The following CSNK1G3 variants were observed in gnomAD, a reference collection of about 807,000 sequenced individuals.
CSNK1G3 encodes casein kinase 1 gamma 3.
A neutral mutation model predicts 64.3 loss-of-function variants in CSNK1G3; 23 were observed. That is an observed-to-expected ratio of 0.36 (90% CI 0.26 to 0.51). The LOEUF is 0.51. CSNK1G3 is among the 20% of genes least tolerant of loss of function. The probability of loss-of-function intolerance (pLI) is 0.96; values close to 1 mark genes in which losing one functional copy is unlikely to be tolerated. For synonymous variants in CSNK1G3, 158 were observed against 162.2 expected (o/e 0.97, Z 0.20); for missense variants, 357 against 510.5 (o/e 0.70, Z 2.90).
exon 1 of CSNK1G3, chr5:123,512,468 G>C (rs952083443): frequency 4.6e-5 from 7 of 152,024 alleles, no homozygotes; most frequent in Non-Finnish European, 7.3e-5. Flanking sequence ...CCGGCCGCCG[G>C]CGGGTGTGAT....
chr5:123,553,129 A>G (rs750649198), exon 3 of CSNK1G3: 20 of 1,413,536 alleles, frequency 1.4e-5, no homozygotes, highest in Non-Finnish European at 1.9e-5. Context: ...ACACAAATGA[A>G]TATGTGGCAA....
At chr5:123,516,872 A>G (rs1777258712) in intron 1 of CSNK1G3, among the ~76,000 whole-genome samples, 1 of 152,098 alleles carries the variant, frequency 6.6e-6, no homozygotes, top group East Asian at 1.9e-4. Flanking sequence ...ATTCAAATTT[A>G]TTACATTTAT....
intron 1 of CSNK1G3, among the ~76,000 whole-genome samples, chr5:123,538,876 T>G (rs1000080910): frequency 2.0e-5 from 3 of 152,192 alleles, no homozygotes; most frequent in South Asian, 4.1e-4. Flanking sequence ...TGATGACTAT[T>G]AAGATTTTTA....
intron 10 of CSNK1G3, among the ~76,000 whole-genome samples, chr5:123,604,354 A>G (rs1794985305): frequency 1.3e-5 from 2 of 152,096 alleles, no homozygotes; most frequent in African/African-American, 2.4e-5. Context: ...TCAATATTCA[A>G]GGAAAGTAAT....
intron 2 of CSNK1G3, among the ~76,000 whole-genome samples, chr5:123,549,422 A>G (rs1783213124): frequency 2.6e-5 from 4 of 152,128 alleles, no homozygotes; most frequent in Non-Finnish European, 4.4e-5. Context: ...GAGCATGCCT[A>G]TGATATGTGC....
intron 1 of CSNK1G3, among the ~76,000 whole-genome samples, chr5:123,544,062 G>C (rs1581026452): frequency 6.6e-6 from 1 of 152,028 alleles, no homozygotes; most frequent in Non-Finnish European, 1.5e-5. Flanking sequence ...CAGTCCTCCT[G>C]TGCAAAAAAC....
chr5:123,555,804 GA>G (rs1344659251), intron 3 of CSNK1G3, among the ~76,000 whole-genome samples: 1 of 152,010 alleles, frequency 6.6e-6, no homozygotes, highest in Non-Finnish European at 1.5e-5. Context: ...TCCTAAGGGG[GA>G]GTAGTGATTG....
At chr5:123,571,434 A>C (rs1018634737) in intron 4 of CSNK1G3, among the ~76,000 whole-genome samples, 1 of 151,910 alleles carries the variant, frequency 6.6e-6, no homozygotes, top group African/African-American at 2.4e-5. Context: ...CAGTGATTAC[A>C]CTAGCTTACA....
intron 4 of CSNK1G3, among the ~76,000 whole-genome samples, chr5:123,558,819 G>A (rs563582301): frequency 2.2e-4 from 34 of 152,240 alleles, no homozygotes; most frequent in African/African-American, 7.9e-4. Flanking sequence ...TAGCAAATAA[G>A]AAGTTAAGTG....
At chr5:123,513,326 CT>C (rs1381141076) in intron 1 of CSNK1G3, among the ~76,000 whole-genome samples, 1 of 152,020 alleles carries the variant, frequency 6.6e-6, no homozygotes, top group Non-Finnish European at 1.5e-5. Context: ...AGATGTGTGT[CT>C]ACTCGTGGGG....
chr5:123,580,882 G>C (rs536106205), intron 6 of CSNK1G3, among the ~76,000 whole-genome samples: 2 of 151,926 alleles, frequency 1.3e-5, no homozygotes, highest in East Asian at 1.9e-4. Flanking sequence ...GGATAAGTTG[G>C]GAGTTGCTTT....
At chr5:123,586,119 G>A (rs185263550) in intron 6 of CSNK1G3, among the ~76,000 whole-genome samples, 5 of 152,192 alleles carry the variant, frequency 3.3e-5, no homozygotes, top group African/African-American at 1.2e-4. Context: ...ATGGTTGCAC[G>A]TAACAACATG....
In CSNK1G3 at chr5:123,590,392, T is replaced by C; in HGVS notation, c.845-21T>C. 1 of 1,297,730 alleles carries C rather than the reference T, an allele frequency of 7.7e-7. No homozygotes were observed. The highest frequency in any genetic ancestry group is 1.0e-6 in the Non-Finnish European group (1 of 970,130). 80.4% of individuals were successfully genotyped at this position (1,297,730 alleles called of 1,614,324 possible). A position where few individuals can be genotyped will look rare whatever the true frequency, so the allele number is the denominator to read the frequency against. The stretch of plus-strand genomic sequence containing the variant: ...TTAAAGAAAAGTATAGTCCAAATAA[T>C]TTTTATATTATTTCTAGAAGAAATG... On this transcript the variant is annotated intron_variant, in intron 8 of 12. Transcript: ENST00000345990.
At chr5:123,599,298 T>A (rs1023654626) in intron 10 of CSNK1G3, among the ~76,000 whole-genome samples, 6 of 152,186 alleles carry the variant, frequency 3.9e-5, no homozygotes, top group African/African-American at 1.4e-4. Context: ...GTCTTTGGTT[T>A]GAATCTAATG....
At chr5:123,530,101 T>C (rs1346525422) in intron 1 of CSNK1G3, among the ~76,000 whole-genome samples, 1 of 150,756 alleles carries the variant, frequency 6.6e-6, no homozygotes, top group Non-Finnish European at 1.5e-5. Flanking sequence ...AAAAAAAAAA[T>C]CATAAATTAA....
At chr5:123,537,761 A>G (rs377235381) in intron 1 of CSNK1G3, among the ~76,000 whole-genome samples, 11 of 152,144 alleles carry the variant, frequency 7.2e-5, no homozygotes, top group East Asian at 1.9e-4. Flanking sequence ...AAATGTATGT[A>G]TCCATGTATT....
chr5:123,517,662 A>G (rs1777404786), intron 1 of CSNK1G3, among the ~76,000 whole-genome samples: 1 of 152,204 alleles, frequency 6.6e-6, no homozygotes, highest in Non-Finnish European at 1.5e-5. Context: ...AGTTTTTGCA[A>G]GAAAAAGGAA....
chr5:123,553,320 G>A (rs1235916341), intron 3 of CSNK1G3, among the ~76,000 whole-genome samples, 173 bp downstream of exon 3: 1 of 152,096 alleles, frequency 6.6e-6, no homozygotes, highest in African/African-American at 2.4e-5. Flanking sequence ...TGCTCTTAAA[G>A]TATATGGTAA....
At chr5:123,607,534 A>G (rs1486253319) in intron 12 of CSNK1G3, among the ~76,000 whole-genome samples, 1 of 152,164 alleles carries the variant, frequency 6.6e-6, no homozygotes, top group Non-Finnish European at 1.5e-5. Flanking sequence ...ATTTAAATGA[A>G]ATGTCCAGAA....
Sources: gnomAD v4.1 joint callset for allele counts (sites outside exome capture counted in the v4.1 genomes callset) on GRCh38, gnomAD v4.1.1 for gene constraint, MANE v1.5 for transcripts, NCBI Gene and HGNC (gene_info 2026-07-23, HGNC 2026-07-21) for gene names.